Variants in UBA3 observed in about 807,000 individuals in gnomAD.
UBA3 encodes ubiquitin like modifier activating enzyme 3.
In UBA3, 26 loss-of-function variants were observed where a neutral mutation model predicts 73.5. That is an observed-to-expected ratio of 0.35 (90% CI 0.26 to 0.49). The LOEUF (loss-of-function observed/expected upper bound fraction) is 0.49, where lower values mean the gene tolerates loss of function less well. Among genes scored for constraint, UBA3 ranks in the 20% least tolerant of loss-of-function variants. UBA3 has a pLI of 0.98. For synonymous variants in UBA3, 217 were observed against 191.2 expected, an observed-to-expected ratio of 1.13 and a Z score of -1.11; for missense variants, 495 against 555.6, an observed-to-expected ratio of 0.89 and a Z score of 1.10.
chr3:69,069,908 T>G (rs2092107712), intron 5 of UBA3, among the ~76,000 whole-genome samples: 1 of 152,330 alleles, frequency 6.6e-6, no homozygotes, highest in East Asian at 1.9e-4. Context: ...AACTGTTTGT[T>G]AATTTACCAT....
chr3:69,067,107 T>C (rs1463416722), intron 6 of UBA3, among the ~76,000 whole-genome samples: 1 of 152,210 alleles, frequency 6.6e-6, no homozygotes, highest in Non-Finnish European at 1.5e-5. Context: ...ATCGACAATT[T>C]TGCTGGGATT....
chr3:69,071,784 T>C (rs948234986), intron 4 of UBA3, among the ~76,000 whole-genome samples, 167 bp from the exon 5 acceptor site: 7 of 152,218 alleles, frequency 4.6e-5, no homozygotes, highest in Non-Finnish European at 8.8e-5. Context: ...TTCAGAGTTC[T>C]TGAACAGGTC....
chr3:69,056,692 C>T lies in UBA3; in HGVS notation c.1003G>A (p.Ala335Thr). The T allele has an allele frequency of 6.2e-7, 1 of 1,612,812 alleles. No individual in the cohort carries two copies. The highest frequency in any genetic ancestry group is 8.5e-7 in the Non-Finnish European group (1 of 1,179,192). Reference sequence around the variant, plus strand: ...AAGTAATTATTCAAGGGAATGTATGCACTGTAATGAAAAAATGTTCATCTT... The same window carrying T: ...AAGTAATTATTCAAGGGAATGTATGTACTGTAATGAAAAAATGTTCATCTT... The part of the protein sequence containing the change: ...ATEVFKIATS[A>T]YIPLNNYLVF... Residue 335 changes from alanine (A) to threonine (T), a missense_variant and splice_region_variant, in exon 14 of 18, where the codon GCA becomes ACA. Physicochemically the swap from Ala to Thr is moderately conservative, Grantham distance 58 (BLOSUM62 0). Transcript: ENST00000361055.
chr3:69,077,981 A>G (rs1311231877), intron 2 of UBA3, 63 bp from the exon 3 acceptor site: 4 of 1,574,182 alleles, frequency 2.5e-6, no homozygotes, highest in Non-Finnish European at 3.5e-6. Context: ...ACCTACAACT[A>G]TTATGGTATC....
At chr3:69,080,366 C>G, upstream of UBA3, 2 of 1,598,730 alleles carry the variant, frequency 1.3e-6, no homozygotes, top group Non-Finnish European at 1.7e-6. Context: ...TGTTCTCCGC[C>G]TCTTCCCAGG....
chr3:69,057,233 A>G, intron 12 of UBA3, 23 bp downstream of exon 12: 1 of 1,601,750 alleles, frequency 6.2e-7, no homozygotes, highest in Non-Finnish European at 8.5e-7. Flanking sequence ...AAATAAACTA[A>G]GTGATGGCCT....
intron 8 of UBA3, 49 bp downstream of exon 8, chr3:69,063,390 G>T: frequency 6.5e-7 from 1 of 1,539,346 alleles, no homozygotes; most frequent in Non-Finnish European, 8.8e-7. Flanking sequence ...GGGATGTGAA[G>T]CACAGCAGCA....
At chr3:69,065,592 G>T (rs1403360082) in intron 6 of UBA3, among the ~76,000 whole-genome samples, 1 of 151,910 alleles carries the variant, frequency 6.6e-6, no homozygotes, top group African/African-American at 2.4e-5. Flanking sequence ...ACAGGCATGT[G>T]CCACCATGCC....
intron 11 of UBA3, among the ~76,000 whole-genome samples, chr3:69,057,964 C>G (rs1366770083): frequency 8.1e-6 from 1 of 122,754 alleles, no homozygotes; most frequent in Non-Finnish European, 1.6e-5. Flanking sequence ...CTCGCTCTGT[C>G]GCCCAGGCTG....
chr3:69,066,868 C>T (rs1446090164), intron 6 of UBA3, among the ~76,000 whole-genome samples: 1 of 152,170 alleles, frequency 6.6e-6, no homozygotes, highest in Non-Finnish European at 1.5e-5. Flanking sequence ...TCCATTGGAA[C>T]TGTTTTGCAC....
At chr3:69,072,494 A>G (rs530532335) in intron 4 of UBA3, among the ~76,000 whole-genome samples, 21 of 152,322 alleles carry the variant, frequency 1.4e-4, no homozygotes, top group African/African-American at 4.8e-4. Context: ...TTCTCAATCT[A>G]TCTGACCTTA....
chr3:69,072,053 T>C (rs915523006), intron 4 of UBA3, among the ~76,000 whole-genome samples: 8 of 152,220 alleles, frequency 5.3e-5, no homozygotes, highest in Non-Finnish European at 1.2e-4. Context: ...AAATGGTAAC[T>C]ATTATAAGAC....
chr3:69,057,417 A>T, intron 11 of UBA3, 108 bp from the exon 12 acceptor site: 2 of 959,762 alleles, frequency 2.1e-6, no homozygotes, highest in Non-Finnish European at 3.2e-6. Flanking sequence ...TTGATTTTTC[A>T]GACTTTCAAG....
At chr3:69,069,883 T>C (rs1325219824) in intron 5 of UBA3, among the ~76,000 whole-genome samples, 1 of 152,242 alleles carries the variant, frequency 6.6e-6, no homozygotes, top group Non-Finnish European at 1.5e-5. Context: ...AAAGAACTCC[T>C]AGATGGTTTC....
At chr3:69,058,859 C>G (rs2091998820) in intron 11 of UBA3, among the ~76,000 whole-genome samples, 1 of 152,156 alleles carries the variant, frequency 6.6e-6, no homozygotes, top group African/African-American at 2.4e-5. Flanking sequence ...TCCAATTCTC[C>G]TTCTGTACTC....
chr3:69,075,409 A>G, intron 4 of UBA3, 21 bp downstream of exon 4: 4 of 1,160,936 alleles, frequency 3.4e-6, no homozygotes, highest in Non-Finnish European at 4.5e-6. Flanking sequence ...AAATATTTAT[A>G]TATATATGTA....
chr3:69,065,383 T>C (rs567416765), intron 6 of UBA3, among the ~76,000 whole-genome samples: 4 of 152,312 alleles, frequency 2.6e-5, no homozygotes, highest in East Asian at 1.9e-4. Flanking sequence ...CATCTTACTA[T>C]AGTACAGTAC....
chr3:69,078,053 TTA>T (rs753709547), intron 2 of UBA3, 135 bp from the exon 3 acceptor site: 7 of 1,176,504 alleles, frequency 5.9e-6, no homozygotes, highest in South Asian at 1.9e-5. Flanking sequence ...TTCAATGTGA[TTA>T]TGTTTATGCT....
intron 4 of UBA3, among the ~76,000 whole-genome samples, chr3:69,073,591 G>C (rs992662200): frequency 2.0e-5 from 3 of 151,876 alleles, no homozygotes; most frequent in Non-Finnish European, 4.4e-5. Context: ...TTGGCATATG[G>C]GATGGAGGCT....
Sources: gnomAD v4.1 joint callset for allele counts (sites outside exome capture counted in the v4.1 genomes callset) on GRCh38, gnomAD v4.1.1 for gene constraint, MANE v1.5 for transcripts, NCBI Gene and HGNC (gene_info 2026-07-23, HGNC 2026-07-21) for gene names.